Variants in TMEM138 observed in about 807,000 individuals in gnomAD.
The protein encoded by TMEM138 is transmembrane protein 138.
TMEM138 carries 9 observed loss-of-function variants against 18.1 expected under a neutral mutation model. The ratio of observed to expected loss-of-function variants is 0.50; its 90% CI spans 0.30 to 0.87. The LOEUF is 0.87. TMEM138 is among the 40% of genes least tolerant of loss of function. The probability of loss-of-function intolerance (pLI) is 0.06; values close to 1 mark genes in which losing one functional copy is unlikely to be tolerated. For missense variants in TMEM138, 189 were observed against 190.6 expected, an observed-to-expected ratio of 0.99 and a Z score of 0.05; for synonymous variants, 79 against 74.8, an observed-to-expected ratio of 1.06 and a Z score of -0.29.
Position 61,366,101 on chromosome 11 carries a change from A to G in TMEM138, c.185A>G (p.Asn62Ser), listed in dbSNP as rs1318171954. Residue 62 changes from asparagine (N) to serine (S), a missense_variant, in exon 3 of 5, where the codon AAC becomes AGC. Asn to Ser is a conservative substitution (Grantham distance 46). Coordinates refer to ENST00000278826, the MANE Select transcript of TMEM138 (RefSeq NM_016464.5). ...NIIIIFLMFF[N>S]TFVFQAGLVN... ...ATCATCATTTTCCTCATGTTCTTCA[A>G]CACCTTCGTCTTCCAGGCTGGCCTG... is the stretch of plus-strand genomic sequence containing the variant. 6.2e-7 allele frequency: 1 copy of G among 1,614,086 alleles called. No homozygotes were observed. The highest frequency in any genetic ancestry group is 1.7e-5 in the Admixed American group (1 of 60,006).
downstream of TMEM138, among the ~76,000 whole-genome samples, chr11:61,374,808 G>T (rs1241561033): frequency 6.6e-6 from 1 of 152,156 alleles, no homozygotes; most frequent in African/African-American, 2.4e-5. Flanking sequence ...AATTAGCTGG[G>T]CGTGGTGGCA....
Position 61,367,917 on chromosome 11 carries a change from C to T in TMEM138, c.301-6C>T. ...TTAACTTTTGTGTATCTCACATCTC[C>T]TTCAGAACTTACGCTGGAAAAACTC... On this transcript the variant is annotated splice_region_variant and splice_polypyrimidine_tract_variant and intron_variant, in intron 3 of 4. Transcript: ENST00000278826. 6.2e-7 allele frequency: 1 copy of T among 1,606,294 alleles called. No homozygotes were observed. The highest frequency in any genetic ancestry group is 8.5e-7 in the Non-Finnish European group (1 of 1,173,122).
intron 2 of TMEM138, among the ~76,000 whole-genome samples, chr11:61,365,266 AT>A (rs1009962801): frequency 9.9e-5 from 15 of 150,790 alleles, no homozygotes; most frequent in African/African-American, 2.7e-4. Context: ...ACATAATTTT[AT>A]TTTTTTTTTT....
chr11:61,364,219 T>A lies in TMEM138; in HGVS notation c.-139-33T>A. On this transcript the variant is annotated intron_variant, in intron 1 of 4. Coordinates refer to ENST00000278826, the MANE Select transcript of TMEM138 (RefSeq NM_016464.5). The stretch of plus-strand genomic sequence containing the variant: ...AGTAAATGTTTATGGTATTAATACA[T>A]TTCTAACCTTGCTTATCTTTTTGCT... 7.3e-6 allele frequency: 5 copies of A among 688,772 alleles called. No individual in the cohort carries two copies. In the South Asian group the frequency reaches 1.0e-4, roughly 14 times the overall value. 42.7% of individuals were successfully genotyped at this position (688,772 alleles called of 1,614,324 possible). A position where few individuals can be genotyped will look rare whatever the true frequency, so the allele number is the denominator to read the frequency against.
At chr11:61,368,209 CTTTT>C (rs1186342768) in intron 4 of TMEM138, 1 of 677,402 alleles carries the variant, frequency 1.5e-6, no homozygotes, top group Non-Finnish European at 2.7e-6. Flanking sequence ...AGGTTCTGTT[CTTTT>C]TGTTTGTTTG....
At chr11:61,369,826 TCA>T (rs1858289415), downstream of TMEM138, among the ~76,000 whole-genome samples, 3 of 152,306 alleles carry the variant, frequency 2.0e-5, no homozygotes, top group South Asian at 4.1e-4. Context: ...CTGGATCTGC[TCA>T]CACGCCAGTG....
At chr11:61,363,388 T>C (rs968539122) in intron 1 of TMEM138, 1 of 152,226 alleles carries the variant, frequency 6.6e-6, no homozygotes, top group African/African-American at 2.4e-5. Context: ...TCAAGATGGT[T>C]GTAGGATTAC....
At chr11:61,365,729 G>A (rs1046173967) in intron 2 of TMEM138, 7 of 202,550 alleles carry the variant, frequency 3.5e-5, no homozygotes, top group Admixed American at 5.8e-5. Context: ...ACCCTGTCTC[G>A]AAAAATAAGG....
At chr11:61,371,700 C>T (rs1436474218), downstream of TMEM138, among the ~76,000 whole-genome samples, 1 of 152,170 alleles carries the variant, frequency 6.6e-6, no homozygotes, top group African/African-American at 2.4e-5. Context: ...AGAACACGTG[C>T]CCAAGATGGT....
At position 61,368,614 on chromosome 11, in the gene TMEM138, T is replaced by C. The variant is rs1238313661; in HGVS notation, c.394T>C (p.Tyr132His). The change falls in exon 5 of 5, where the codon TAC becomes CAC. Residue 132 changes from tyrosine (Y) to histidine (H), a missense_variant. Transcript: ENST00000278826. ...CCCCACAGCAGCAGTGTTGTACTGC[T>C]ACTTCTATAAACGGACAGCCGTAAG... The part of the protein sequence containing the change: ...FQRLAAVLYC[Y>H]FYKRTAVRLG... 3 of 1,613,784 alleles carry C rather than the reference T, an allele frequency of 1.9e-6. No homozygotes were observed. Among genetic ancestry groups the C allele is most frequent in the Admixed American group, 1.7e-5 (1 of 60,020 alleles).
chr11:61,373,848 T>TA (rs1337775210), downstream of TMEM138, among the ~76,000 whole-genome samples: 26 of 151,914 alleles, frequency 1.7e-4, no homozygotes, highest in African/African-American at 3.9e-4. Context: ...TTTTATTTTT[T>TA]TTTTTTTTAA....
intron 3 of TMEM138, 79 bp downstream of exon 3, chr11:61,366,295 T>C: frequency 6.7e-7 from 1 of 1,483,112 alleles, no homozygotes. Flanking sequence ...CCAAGGCTGG[T>C]CTCAAACTCC....
chr11:61,368,339 C>T, intron 4 of TMEM138: 1 of 505,216 alleles, frequency 2.0e-6, no homozygotes, highest in Non-Finnish European at 3.6e-6. Context: ...CATTCTCCTG[C>T]CTCAGCCTCC....
At chr11:61,362,566 C>T (rs897194615) in intron 1 of TMEM138, 146 bp downstream of exon 1, 7 of 152,158 alleles carry the variant, frequency 4.6e-5, no homozygotes, top group African/African-American at 1.7e-4. Context: ...GGAATACTGC[C>T]CTAGGTACAA....
intron 2 of TMEM138, 65 bp from the exon 3 acceptor site, chr11:61,365,980 C>T: frequency 1.3e-6 from 2 of 1,554,340 alleles, no homozygotes; most frequent in East Asian, 2.3e-5. Flanking sequence ...TCCCTCAGGA[C>T]ATAGTACCTG....
chr11:61,365,523 C>T (rs1858113215), intron 2 of TMEM138, among the ~76,000 whole-genome samples: 1 of 152,124 alleles, frequency 6.6e-6, no homozygotes, highest in African/African-American at 2.4e-5. Flanking sequence ...CTCAAGTGAT[C>T]TGCCCACCTC....
chr11:61,373,220 A>G (rs1176477643), downstream of TMEM138, among the ~76,000 whole-genome samples: 3 of 152,220 alleles, frequency 2.0e-5, no homozygotes, highest in African/African-American at 7.2e-5. Context: ...GGGACTATCA[A>G]GAAAGAGGCG....
At chr11:61,367,825 A>G (rs928196107) in intron 3 of TMEM138, 98 bp from the exon 4 acceptor site, 74 of 765,158 alleles carry the variant, frequency 9.7e-5, no homozygotes, top group Non-Finnish European at 3.0e-5. Context: ...AGAGGTTAGC[A>G]TGATTTTAAA....
In TMEM138 at chr11:61,368,205, T is replaced by C. The variant is rs183778199; in HGVS notation, c.376+207T>C. On this transcript the variant is annotated intron_variant, in intron 4 of 4. Coordinates refer to ENST00000278826, the MANE Select transcript of TMEM138 (RefSeq NM_016464.5). ...AGGGCTGCCCAGCCTCATTAGGTTC[T>C]GTTCTTTTTGTTTGTTTGTTTGTTT... The C allele has an allele frequency of 0.012, 8,243 of 682,036 alleles. 253 individuals carry two copies. Among genetic ancestry groups the C allele is most frequent in the South Asian group, 0.056 (3,765 of 67,624 alleles). 42.2% of individuals were successfully genotyped at this position (682,036 alleles called of 1,614,324 possible). A position where few individuals can be genotyped will look rare whatever the true frequency, so the allele number is the denominator to read the frequency against.
Sources: allele counts gnomAD v4.1 joint callset (sites outside exome capture counted in the v4.1 genomes callset), GRCh38; gene constraint gnomAD v4.1.1; transcripts MANE v1.5; gene names NCBI Gene and HGNC (gene_info 2026-07-23, HGNC 2026-07-21).